RFWD3: variants seen among roughly 807,000 people sequenced by gnomAD.
RFWD3 encodes the protein ring finger and WD repeat domain 3.
RFWD3 carries 65 observed loss-of-function variants against 87.7 expected under a neutral mutation model. That is an observed-to-expected ratio of 0.74 (90% CI 0.61 to 0.91). The LOEUF is 0.91. Ranked by LOEUF, RFWD3 falls within the 40% of genes least tolerant of loss-of-function variation. The pLI is 0.00. For synonymous variants in RFWD3, 433 were observed against 352.8 expected (o/e 1.23, Z -2.55); for missense variants, 1,078 against 938.5 (o/e 1.15, Z -1.94).
intron 8 of RFWD3, 68 bp from the exon 9 acceptor site, chr16:74,632,741 T>G: frequency 7.0e-7 from 1 of 1,431,366 alleles, no homozygotes; most frequent in Non-Finnish European, 9.7e-7. Context: ...AACTAGTTTT[T>G]CAAGTAGCTC....
rs759537437 is a variant in RFWD3 at position 74,630,831 on chromosome 16, G to A, written c.1704C>T (p.Asp568=). The stretch of plus-strand genomic sequence containing the variant: ...GCACATGACTGCTCGTGTTTCGCAC[G>A]TCATATACCAGAATTGAACCATTGG... ...GLANGSILVY[D]VRNTSSHVQE... The change falls in exon 10 of 13, where the codon GAC becomes GAT. Residue 568 remains aspartate (D), a synonymous_variant. Transcript: ENST00000361070. The A allele has an allele frequency of 3.1e-6, 5 of 1,613,132 alleles. No homozygotes were observed. Among genetic ancestry groups the A allele is most frequent in the Middle Eastern group, 1.7e-4 (1 of 6,060 alleles).
At position 74,636,415 on chromosome 16, in the gene RFWD3, T is replaced by C; in HGVS notation, c.1357A>G (p.Met453Val). The change falls in exon 8 of 13, where the codon ATG becomes GTG. Residue 453 changes from methionine (M) to valine (V), a missense_variant. Coordinates refer to ENST00000361070, the MANE Select transcript of RFWD3 (RefSeq NM_018124.4). ...CAGCTCAGAGCATCACAGTATGCCA[T>C]GATCCGGCAGTTTCCTGCCTGAGAT... is the stretch of plus-strand genomic sequence containing the variant. ...TVSQAGNCRI[M>V]AYCDALSCLV... 1 of 1,614,204 alleles carries C rather than the reference T, an allele frequency of 6.2e-7. No homozygotes were observed.
Position 74,651,908 on chromosome 16 carries a change from T to C in RFWD3, c.721+12A>G, listed in dbSNP as rs1461171174. ...TTAGCCTTGTGAGTCCAAACCTGGG[T>C]AAAATACTGACCTTCTAAAATGACA... On this transcript the variant is annotated intron_variant, in intron 3 of 12. Coordinates refer to ENST00000361070, the MANE Select transcript of RFWD3 (RefSeq NM_018124.4). 2 of 1,613,044 alleles carry C rather than the reference T, an allele frequency of 1.2e-6. No individual in the cohort carries two copies. The highest frequency in any genetic ancestry group is 1.7e-5 in the Admixed American group (1 of 59,938).
intron 2 of RFWD3, among the ~76,000 whole-genome samples, chr16:74,652,926 C>T (rs1361964944): frequency 6.6e-6 from 1 of 152,170 alleles, no homozygotes; most frequent in East Asian, 1.9e-4. Context: ...AATGATCCAC[C>T]CACCTTGGCC....
At chr16:74,643,461 A>G (rs1219421880) in intron 6 of RFWD3, among the ~76,000 whole-genome samples, 1 of 152,174 alleles carries the variant, frequency 6.6e-6, no homozygotes, top group Non-Finnish European at 1.5e-5. Context: ...AAATCTTGGT[A>G]CACAGCCTTC....
chr16:74,653,759 T>C (rs1020458005), intron 2 of RFWD3, among the ~76,000 whole-genome samples: 2 of 152,196 alleles, frequency 1.3e-5, no homozygotes, highest in Non-Finnish European at 2.9e-5. Flanking sequence ...CCCAGAAACA[T>C]TGTTGAGGAC....
At position 74,628,429 on chromosome 16, in the gene RFWD3, T is replaced by C. The variant is rs777034036; in HGVS notation, c.1969+23A>G. ...TACCACTGTGCTCCCAAATAAGCTA[T>C]GGGAGACCCCAGCACTACTTACCAG... On this transcript the variant is annotated intron_variant, in intron 11 of 12. Coordinates refer to ENST00000361070, the MANE Select transcript of RFWD3 (RefSeq NM_018124.4). 79 of 1,609,704 alleles carry C rather than the reference T, an allele frequency of 4.9e-5. 2 individuals are homozygous for C. In the East Asian group the frequency reaches 1.7e-3, roughly 35 times the overall value.
intron 2 of RFWD3, among the ~76,000 whole-genome samples, chr16:74,652,827 A>G (rs1474113901): frequency 6.6e-6 from 1 of 152,166 alleles, no homozygotes; most frequent in East Asian, 1.9e-4. Flanking sequence ...GTTTGAGGCC[A>G]CTTTTGTCAC....
chr16:74,661,179 C>T lies in RFWD3; in HGVS notation c.271G>A (p.Val91Met), dbSNP rs1473497046. ...TEVEVLGEDT[V>M]ENINPRTSEQ... ...GAAGTTCTTGGATTGATGTTCTCCA[C>T]AGTGTCTTCTCCCAAGACCTCCACT... Residue 91 changes from valine (V) to methionine (M), a missense_variant, in exon 2 of 13, where the codon GTG (valine) becomes ATG (methionine). Transcript: ENST00000361070. The T allele has an allele frequency of 1.2e-6, 2 of 1,614,224 alleles. No homozygotes were observed. The highest frequency in any genetic ancestry group is 1.7e-6 in the Non-Finnish European group (2 of 1,180,038).
chr16:74,630,679 G>A, intron 10 of RFWD3, 102 bp downstream of exon 10: 1 of 1,011,546 alleles, frequency 9.9e-7, no homozygotes, highest in Non-Finnish European at 1.4e-6. Context: ...AATTTGTGAG[G>A]ATTTCTGACT....
chr16:74,637,764 T>A, intron 7 of RFWD3, 92 bp downstream of exon 7: 1 of 907,774 alleles, frequency 1.1e-6, no homozygotes, highest in Non-Finnish European at 1.7e-6. Context: ...ACTTGGCAAA[T>A]CCTATTTGTT....
At position 74,652,001 on chromosome 16, in the gene RFWD3, A is replaced by T. The variant is rs1960604135; in HGVS notation, c.640T>A (p.Ser214Thr). The change falls in exon 3 of 13, where the codon TCT becomes ACT. Residue 214 changes from serine to threonine, a missense_variant. Transcript: ENST00000361070. ...VSEELQVSSS[S>T]DSDSDSSAEY... ...GCAGAGCTGTCACTGTCAGAATCAGAACTACTAGACACCTGCAACTCTTCA... is the reference window on the plus strand; with the variant it reads ...GCAGAGCTGTCACTGTCAGAATCAGTACTACTAGACACCTGCAACTCTTCA... 1.2e-6 allele frequency: 2 copies of T among 1,613,986 alleles called. No individual in the cohort carries two copies. The highest frequency in any genetic ancestry group is 1.7e-6 in the Non-Finnish European group (2 of 1,179,992).
At chr16:74,646,943 C>T (rs1234759346) in intron 4 of RFWD3, among the ~76,000 whole-genome samples, 2 of 151,578 alleles carry the variant, frequency 1.3e-5, no homozygotes, top group Non-Finnish European at 2.9e-5. Flanking sequence ...ACAAAATTAG[C>T]CAGGTGTGGT....
Position 74,630,902 on chromosome 16 carries a change from A to C in RFWD3, c.1633T>G (p.Cys545Gly). The change falls in exon 10 of 13, where the codon TGT (cysteine) becomes GGT (glycine). Residue 545 changes from cysteine to glycine, a missense_variant. Transcript: ENST00000361070. ...TYNAGRPVWS[C>G]CWCLDEANYI... Reference sequence around the variant, plus strand: ...TTAGCCTCATCAAGACACCAGCAACAGCTCCAGACAGGACGTCCAGCATTA... The same window carrying C: ...TTAGCCTCATCAAGACACCAGCAACCGCTCCAGACAGGACGTCCAGCATTA... 6.2e-7 allele frequency: 1 copy of C among 1,614,084 alleles called. No homozygotes were observed.
At chr16:74,649,696 C>A (rs1960425966) in intron 3 of RFWD3, among the ~76,000 whole-genome samples, 1 of 152,046 alleles carries the variant, frequency 6.6e-6, no homozygotes, top group Admixed American at 6.6e-5. Flanking sequence ...TCAAAATTTC[C>A]CAATAGTTTT....
At chr16:74,651,159 C>T (rs769888434) in intron 3 of RFWD3, among the ~76,000 whole-genome samples, 1 of 152,084 alleles carries the variant, frequency 6.6e-6, no homozygotes, top group Non-Finnish European at 1.5e-5. Flanking sequence ...TGAAAGAGCG[C>T]CCTCTGGGGA....
chr16:74,646,218 T>C lies in RFWD3; in HGVS notation c.793-1483A>G, dbSNP rs947811072. Among the ~76,000 whole-genome samples the C allele has an allele frequency of 1.9e-4, 29 of 151,512 alleles. 1 individual carries two copies. Among genetic ancestry groups the C allele is most frequent in the South Asian group, 8.3e-4 (4 of 4,804 alleles). ...AGCAAGACCTTGTCCCTGTTAAAAA[T>C]TTAAAAAATTAGCCATGTGTGGTGG... On this transcript the variant is annotated intron_variant, in intron 4 of 12. Coordinates refer to ENST00000361070, the MANE Select transcript of RFWD3 (RefSeq NM_018124.4).
Position 74,630,912 on chromosome 16 carries a change from A to G in RFWD3, c.1623T>C (p.Pro541=), listed in dbSNP as rs7188880. The change falls in exon 10 of 13, where the codon CCT becomes CCC. Residue 541 remains proline (P), a synonymous_variant. Transcript: ENST00000361070. ...TVVQTYNAGR[P]VWSCCWCLDE... is the part of the protein sequence containing the mutation. ...CAAGACACCAGCAACAGCTCCAGAC[A>G]GGACGTCCAGCATTATAAGTCTGGA... 1.9e-6 allele frequency: 3 copies of G among 1,613,742 alleles called. No homozygotes were observed. The highest frequency in any genetic ancestry group is 2.5e-6 in the Non-Finnish European group (3 of 1,179,902).
At chr16:74,660,398 A>C (rs1961329686) in intron 2 of RFWD3, among the ~76,000 whole-genome samples, 1 of 152,238 alleles carries the variant, frequency 6.6e-6, no homozygotes, top group Non-Finnish European at 1.5e-5. Flanking sequence ...GGTTGCAGTG[A>C]GCAAAGATTG....
Sources: gnomAD v4.1 joint callset for allele counts (sites outside exome capture counted in the v4.1 genomes callset) on GRCh38, gnomAD v4.1.1 for gene constraint, MANE v1.5 for transcripts, NCBI Gene and HGNC (gene_info 2026-07-23, HGNC 2026-07-21) for gene names.